THAP9: variants seen among roughly 807,000 people sequenced by gnomAD.
THAP9 encodes THAP domain containing 9.
Under a neutral mutation model 35.7 loss-of-function variants are expected in THAP9, and 20 were observed. The observed-to-expected ratio is 0.56, with a 90% CI of 0.39 to 0.81. The LOEUF is 0.81. THAP9 is among the 40% of genes least tolerant of loss of function. The probability of loss-of-function intolerance (pLI) is 0.00; values close to 1 mark genes in which losing one functional copy is unlikely to be tolerated. For synonymous variants in THAP9, 335 were observed against 373.7 expected (o/e 0.90, Z 1.19); for missense variants, 870 against 1,047.4 (o/e 0.83, Z 2.34).
At chr4:82,907,174 T>C (rs1324988504) in intron 3 of THAP9, among the ~76,000 whole-genome samples, 1 of 152,096 alleles carries the variant, frequency 6.6e-6, no homozygotes, top group Non-Finnish European at 1.5e-5. Context: ...AAGGGCAAAA[T>C]AAAAATTGCC....
In THAP9 at chr4:82,919,014, C is replaced by T. The variant is rs965922770; in HGVS notation, c.*90C>T. 14 of 1,082,666 alleles carry T rather than the reference C, an allele frequency of 1.3e-5. No homozygotes were observed. Among genetic ancestry groups the T allele is most frequent in the Non-Finnish European group, 1.7e-5 (13 of 761,886 alleles). 67.1% of individuals were successfully genotyped at this position (1,082,666 alleles called of 1,614,324 possible). A position where few individuals can be genotyped will look rare whatever the true frequency, so the allele number is the denominator to read the frequency against. On this transcript the variant is annotated 3_prime_UTR_variant, in exon 5 of 5. Coordinates refer to ENST00000302236, the MANE Select transcript of THAP9 (RefSeq NM_024672.6). The stretch of plus-strand genomic sequence containing the variant: ...TACCATATTTTATAAATTGCGCATT[C>T]TGCACAGTGGACAAGTTTGCAATTC...
intron 4 of THAP9, among the ~76,000 whole-genome samples, chr4:82,910,543 A>G (rs1317288641): frequency 4.0e-5 from 6 of 150,758 alleles, no homozygotes; most frequent in African/African-American, 1.5e-4. Flanking sequence ...ATGTAAGATT[A>G]TATTATATTA....
chr4:82,918,433 G>T lies in THAP9; in HGVS notation c.2221G>T (p.Ala741Ser), dbSNP rs138607816. Reference protein sequence around the residue: ...TCEDCITALYASDLKASKIGS... With the variant: ...TCEDCITALYSSDLKASKIGS... Reference sequence around the variant, plus strand: ...TGAGGACTGCATCACTGCACTGTATGCATCGGATCTCAAAGCCTCTAAAAT... The same window carrying T: ...TGAGGACTGCATCACTGCACTGTATTCATCGGATCTCAAAGCCTCTAAAAT... Residue 741 changes from alanine to serine, a missense_variant, in exon 5 of 5, where the codon GCA (alanine) becomes TCA (serine). Coordinates refer to ENST00000302236, the MANE Select transcript of THAP9 (RefSeq NM_024672.6). 3 of 1,614,038 alleles carry T rather than the reference G, an allele frequency of 1.9e-6. No individual in the cohort carries two copies. In the African/African-American group the frequency reaches 4.0e-5, roughly 22 times the overall value.
Position 82,918,918 on chromosome 4 carries a change from C to A in THAP9, c.2706C>A (p.Phe902Leu). 3 of 1,576,344 alleles carry A rather than the reference C, an allele frequency of 1.9e-6. No homozygotes were observed. The highest frequency in any genetic ancestry group is 2.3e-5 in the South Asian group (2 of 85,710). The change falls in exon 5 of 5, where the codon TTC becomes TTA. Residue 902 changes from phenylalanine (F) to leucine (L), a missense_variant. Phe to Leu is a conservative substitution (Grantham distance 22, BLOSUM62 0). Transcript: ENST00000302236. The stretch of plus-strand genomic sequence containing the variant: ...TGCTAAGTAACGATGGATATCCATT[C>A]AAATGAGAGACCTAAAATATATTAA... The part of the protein sequence containing the change: ...RHLLSNDGYP[F>L]K
rs3811840 is a variant in THAP9, at chr4:82,905,258, A to G, written c.276+327A>G. On this transcript the variant is annotated intron_variant, in intron 2 of 4. Coordinates refer to ENST00000302236, the MANE Select transcript of THAP9 (RefSeq NM_024672.6). ...GAGACAGCTTTCATAGTACTTTGAA[A>G]TTATCTATGTTTTTTGGTTCCTCCT... 9.0e-4 allele frequency among the ~76,000 whole-genome samples: 137 copies of G among 152,248 alleles called. 2 individuals carry two copies. The East Asian group carries it at 0.021, about 23-fold the overall frequency.
At chr4:82,900,915 C>T in intron 1 of THAP9, 33 bp downstream of exon 1, 2 of 1,610,418 alleles carry the variant, frequency 1.2e-6, no homozygotes, top group Non-Finnish European at 1.7e-6. Flanking sequence ...AGCCTTCGAA[C>T]TCCCTGCGGG....
At chr4:82,903,636 A>G (rs1410699604) in intron 1 of THAP9, 1 of 152,622 alleles carries the variant, frequency 6.6e-6, no homozygotes, top group African/African-American at 2.4e-5. Flanking sequence ...ACAATATAGT[A>G]AATATACTTG....
rs1466449481 is a variant in THAP9 at position 82,918,929 on chromosome 4, C to T, written c.*5C>T. 29 of 1,545,010 alleles carry T rather than the reference C, an allele frequency of 1.9e-5. No homozygotes were observed. Among genetic ancestry groups the T allele is most frequent in the Non-Finnish European group, 2.5e-5 (29 of 1,146,408 alleles). Reference sequence around the variant, plus strand: ...GATGGATATCCATTCAAATGAGAGACCTAAAATATATTAACATTTTAATTA... The same window carrying T: ...GATGGATATCCATTCAAATGAGAGATCTAAAATATATTAACATTTTAATTA... On this transcript the variant is annotated 3_prime_UTR_variant, in exon 5 of 5. Transcript: ENST00000302236.
In THAP9 at chr4:82,917,423, C is replaced by T; in HGVS notation, c.1211C>T (p.Ser404Phe). 1.9e-6 allele frequency: 3 copies of T among 1,614,020 alleles called. No homozygotes were observed. Among genetic ancestry groups the T allele is most frequent in the Non-Finnish European group, 2.5e-6 (3 of 1,179,956 alleles). Residue 404 changes from serine (S) to phenylalanine (F), a missense_variant, in exon 5 of 5, where the codon TCT (serine) becomes TTT (phenylalanine). By Grantham distance (155) the Ser-to-Phe change is radical. Transcript: ENST00000302236. ...AAATGTACATTTCAGCATCCTTCAT[C>T]TTCTAGTCAACAGATTGCATACTTC... ...DMKCTFQHPS[S>F]SSQQIAYFFD...
intron 4 of THAP9, among the ~76,000 whole-genome samples, chr4:82,911,382 G>A (rs1364903746): frequency 1.3e-5 from 2 of 151,996 alleles, no homozygotes; most frequent in Non-Finnish European, 2.9e-5. Flanking sequence ...ACGAGGTCAG[G>A]AGATTGAGAC....
chr4:82,900,850 G>A lies in THAP9; in HGVS notation c.48G>A (p.Val16=). 6.2e-7 allele frequency: 1 copy of A among 1,613,536 alleles called. No homozygotes were observed. Among genetic ancestry groups the A allele is most frequent in the Non-Finnish European group, 8.5e-7 (1 of 1,180,028 alleles). Residue 16 remains valine, a synonymous_variant, in exon 1 of 5, where the codon GTG becomes GTA. Transcript: ENST00000302236. ...SAVGCSTRDT[V]LSRERGLSFH... The stretch of plus-strand genomic sequence containing the variant: ...TGGGCTGCAGCACCCGTGACACCGT[G>A]CTCAGCCGGGAGCGCGGCCTCTCCT...
Position 82,918,498 on chromosome 4 carries a change from T to G in THAP9, c.2286T>G (p.His762Gln), listed in dbSNP as rs763295595. The change falls in exon 5 of 5, where the codon CAT becomes CAG. Residue 762 changes from histidine (H) to glutamine (Q), a missense_variant. His to Gln is a conservative substitution (Grantham distance 24). Coordinates refer to ENST00000302236, the MANE Select transcript of THAP9 (RefSeq NM_024672.6). Reference sequence around the variant, plus strand: ...TTGTTAAAAAGAAGAATGGTTTGCATTTTCCTTCAGAAAGTCTGTGTCGGG... The same window carrying G: ...TTGTTAAAAAGAAGAATGGTTTGCAGTTTCCTTCAGAAAGTCTGTGTCGGG... ...LLFVKKKNGL[H>Q]FPSESLCRVI... 1.9e-6 allele frequency: 3 copies of G among 1,614,186 alleles called. No homozygotes were observed. The South Asian group carries it at 3.3e-5, about 18-fold the overall frequency.
chr4:82,915,295 C>T (rs569648683), intron 4 of THAP9, among the ~76,000 whole-genome samples: 2 of 152,134 alleles, frequency 1.3e-5, no homozygotes, highest in Non-Finnish European at 2.9e-5. Flanking sequence ...TTTGCCTCAT[C>T]GCCCAGGCTG....
At chr4:82,908,246 C>T (rs1172126258) in intron 4 of THAP9, among the ~76,000 whole-genome samples, 1 of 152,164 alleles carries the variant, frequency 6.6e-6, no homozygotes, top group Non-Finnish European at 1.5e-5. Context: ...ATCTCCCAGA[C>T]ACTCTGGGTG....
At chr4:82,905,760 T>G in intron 2 of THAP9, 1 of 407,316 alleles carries the variant, frequency 2.5e-6, no homozygotes, top group South Asian at 1.8e-5. Flanking sequence ...GGCTGCCATG[T>G]GTTGAGAGCT....
chr4:82,918,800 C>A lies in THAP9; in HGVS notation c.2588C>A (p.Thr863Asn), dbSNP rs1231196347. 1 of 1,613,630 alleles carries A rather than the reference C, an allele frequency of 6.2e-7. No homozygotes were observed. Among genetic ancestry groups the A allele is most frequent in the Admixed American group, 1.7e-5 (1 of 59,998 alleles). ...CCTTTAAAACATCATTCAGAGAGAA[C>A]TGATATGAAAACTTTATCAAGGAAA... is the stretch of plus-strand genomic sequence containing the variant. ...QNPLKHHSER[T>N]DMKTLSRKHW... is the part of the protein sequence containing the mutation. Residue 863 changes from threonine (T) to asparagine (N), a missense_variant, in exon 5 of 5, where the codon ACT (threonine) becomes AAT (asparagine). Thr to Asn is a moderately conservative substitution (Grantham distance 65). Transcript: ENST00000302236.
intron 2 of THAP9, among the ~76,000 whole-genome samples, 188 bp from the exon 3 acceptor site, chr4:82,906,136 C>CAA (rs11444044): frequency 2.2e-3 from 311 of 142,438 alleles, no homozygotes; most frequent in African/African-American, 6.7e-3. Context: ...CTGTGTAGTG[C>CAA]AAAAAAAAAA....
In THAP9 at chr4:82,917,656, T is replaced by C; in HGVS notation, c.1444T>C (p.Phe482Leu). ...VLKVNSATQL[F>L]SESVASALEY... ...GAAAGTGAATAGTGCCACCCAACTC[T>C]TTAGTGAGAGTGTAGCCAGTGCATT... The change falls in exon 5 of 5, where the codon TTT becomes CTT. Residue 482 changes from phenylalanine (F) to leucine (L), a missense_variant. Phe to Leu is a conservative substitution (Grantham distance 22, BLOSUM62 0). This residue lies in a region of THAP9 where 414 missense variants were observed against 500.8 expected (regional missense o/e 0.83). Coordinates refer to ENST00000302236, the MANE Select transcript of THAP9 (RefSeq NM_024672.6). The C allele has an allele frequency of 6.2e-7, 1 of 1,613,576 alleles. No individual in the cohort carries two copies. The highest frequency in any genetic ancestry group is 2.2e-5 in the East Asian group (1 of 44,872).
Position 82,905,075 on chromosome 4 carries a change from T to A in THAP9, c.276+144T>A, listed in dbSNP as rs114882323. ...ATAGATTTTAAATGCTTTGAAAATT[T>A]AAAAAAAAAATTATATATATTAGCA... is the stretch of plus-strand genomic sequence containing the variant. On this transcript the variant is annotated intron_variant, in intron 2 of 4. Coordinates refer to ENST00000302236, the MANE Select transcript of THAP9 (RefSeq NM_024672.6). 6.6e-3 allele frequency: 4,076 copies of A among 619,084 alleles called. 115 individuals are homozygous for A. The highest frequency in any genetic ancestry group is 0.065 in the African/African-American group (3,515 of 53,754). The allele number at this position is 619,084 out of a possible 1,614,324, so 38.3% of individuals were successfully genotyped here.
Sources: gnomAD v4.1 joint callset for allele counts (sites outside exome capture counted in the v4.1 genomes callset) on GRCh38, gnomAD v4.1.1 for gene constraint, gnomAD v4.1.1 regional missense constraint, MANE v1.5 for transcripts, NCBI Gene and HGNC (gene_info 2026-07-23, HGNC 2026-07-21) for gene names.